IL1RAPL1: variants seen among roughly 807,000 people sequenced by gnomAD.
The protein encoded by IL1RAPL1 is interleukin 1 receptor accessory protein like 1.
IL1RAPL1 carries 3 observed loss-of-function variants against 48.4 expected under a neutral mutation model. The observed-to-expected ratio is 0.06, with a 90% confidence interval of 0.03 to 0.16. The LOEUF is 0.16. Among genes scored for constraint, IL1RAPL1 ranks in the 10% least tolerant of loss-of-function variants. The pLI is 1.00. For synonymous variants in IL1RAPL1, 185 were observed against 187.7 expected (o/e 0.99, Z 0.12); for missense variants, 349 against 530.6 (o/e 0.66, Z 3.36).
intron 2 of IL1RAPL1, among the ~76,000 whole-genome samples, chrX:28,806,991 T>G (rs965886933): frequency 7.2e-5 from 8 of 111,146 alleles, no homozygotes; most frequent in African/African-American, 2.6e-4. Flanking sequence ...GCTCTAATTG[T>G]CTGAGATGAG....
chrX:29,162,257 T>C (rs1929700734), intron 2 of IL1RAPL1, among the ~76,000 whole-genome samples: 1 of 111,065 alleles, frequency 9.0e-6, no homozygotes, highest in Non-Finnish European at 1.9e-5. Flanking sequence ...AGCTAATGCA[T>C]GTGGGCTTAA....
chrX:29,504,601 T>A (rs1456240797), intron 5 of IL1RAPL1, among the ~76,000 whole-genome samples: 1 of 112,081 alleles, frequency 8.9e-6, no homozygotes, highest in Non-Finnish European at 1.9e-5. Flanking sequence ...TCTTAGTCTC[T>A]TTTTACAGTC....
intron 2 of IL1RAPL1, among the ~76,000 whole-genome samples, chrX:28,891,564 T>A (rs1164186972): frequency 8.9e-6 from 1 of 112,308 alleles, no homozygotes; most frequent in Non-Finnish European, 1.9e-5. Context: ...ATGTGGTATT[T>A]CATGACTGGC....
At chrX:29,574,838 A>G (rs1319615598) in intron 5 of IL1RAPL1, among the ~76,000 whole-genome samples, 1 of 111,556 alleles carries the variant, frequency 9.0e-6, no homozygotes, top group African/African-American at 3.3e-5. Context: ...CTTCCACCAG[A>G]TACTCTAAAT....
At chrX:29,852,835 A>C (rs1253436621) in intron 6 of IL1RAPL1, among the ~76,000 whole-genome samples, 2 of 112,080 alleles carry the variant, frequency 1.8e-5, no homozygotes, top group Non-Finnish European at 3.8e-5. Context: ...AAAAATGAGC[A>C]AGGCAATCCT....
At chrX:29,817,987 C>T (rs749715503) in intron 6 of IL1RAPL1, among the ~76,000 whole-genome samples, 25 of 111,734 alleles carry the variant, frequency 2.2e-4, no homozygotes, top group Non-Finnish European at 3.0e-4. Context: ...CTTCTTATTA[C>T]GCTTTATAGG....
At chrX:29,413,792 T>C in intron 5 of IL1RAPL1, among the ~76,000 whole-genome samples, 1 of 110,935 alleles carries the variant, frequency 9.0e-6, no homozygotes. Flanking sequence ...CAGAATATCT[T>C]ATTTGTGTGC....
At chrX:29,204,561 T>A (rs1930624787) in intron 2 of IL1RAPL1, among the ~76,000 whole-genome samples, 1 of 111,917 alleles carries the variant, frequency 8.9e-6, no homozygotes, top group Admixed American at 9.6e-5. Flanking sequence ...TTTTGCTTAT[T>A]TTTAATAGGA....
intron 1 of IL1RAPL1, among the ~76,000 whole-genome samples, chrX:28,603,848 A>T (rs772987855): frequency 8.9e-6 from 1 of 112,639 alleles, no homozygotes; most frequent in Non-Finnish European, 1.9e-5. Context: ...TTACTGGTAT[A>T]GTAAAGTTAG....
intron 6 of IL1RAPL1, among the ~76,000 whole-genome samples, chrX:29,694,636 C>A (rs1182011110): frequency 1.8e-5 from 2 of 111,432 alleles, no homozygotes; most frequent in East Asian, 5.6e-4. Context: ...AGCCTGCTTT[C>A]TGGCTCATAA....
At chrX:28,732,066 G>T (rs1179073924) in intron 1 of IL1RAPL1, among the ~76,000 whole-genome samples, 3 of 111,617 alleles carry the variant, frequency 2.7e-5, no homozygotes, top group Non-Finnish European at 3.8e-5. Flanking sequence ...GTTTAAGGCA[G>T]AGGATGACCT....
rs182500210 is a variant in IL1RAPL1, at chrX:29,029,973, A to G, written c.82+240548A>G. The stretch of plus-strand genomic sequence containing the variant: ...TTTTTTTTTGGCTTGTGGATGTCCA[A>G]TTGTTCCAACACCATTGGTTGAAAA... On this transcript the variant is annotated intron_variant, in intron 2 of 10. Coordinates refer to ENST00000378993, the MANE Select transcript of IL1RAPL1 (RefSeq NM_014271.4). 6.1e-3 allele frequency among the ~76,000 whole-genome samples: 653 copies of G among 107,441 alleles called. 10 individuals are homozygous for G. Among genetic ancestry groups the G allele is most frequent in the African/African-American group, 0.021 (623 of 29,346 alleles). The allele number at this position is 107,441 out of a possible 115,157, so 93.3% of individuals were successfully genotyped here.
chrX:29,189,891 C>A (rs182680204), intron 2 of IL1RAPL1, among the ~76,000 whole-genome samples: 94 of 111,556 alleles, frequency 8.4e-4, no homozygotes, highest in African/African-American at 2.9e-3. Flanking sequence ...CAGTTATGGG[C>A]CACACATTGT....
chrX:29,537,206 G>A (rs1313627991), intron 5 of IL1RAPL1, among the ~76,000 whole-genome samples: 2 of 110,838 alleles, frequency 1.8e-5, no homozygotes, highest in South Asian at 3.8e-4. Context: ...AGACATATTT[G>A]GATATGCAGA....
chrX:29,192,502 T>C lies in IL1RAPL1; in HGVS notation c.83-90436T>C, dbSNP rs888748106. ...ACCAACTAGTTTATTTCTTTTACATTGTAATGCACTAAAAGTAACTATAAA... is the reference window on the plus strand; with the variant it reads ...ACCAACTAGTTTATTTCTTTTACATCGTAATGCACTAAAAGTAACTATAAA... On this transcript the variant is annotated intron_variant, in intron 2 of 10. Coordinates refer to ENST00000378993, the MANE Select transcript of IL1RAPL1 (RefSeq NM_014271.4). 1.6e-4 allele frequency among the ~76,000 whole-genome samples: 18 copies of C among 111,839 alleles called. No homozygotes were observed. In the East Asian group the frequency reaches 5.0e-3, roughly 31 times the overall value.
rs192877527 is a variant in IL1RAPL1, at chrX:29,523,506, G to A, written c.703+124198G>A. On this transcript the variant is annotated intron_variant, in intron 5 of 10. Coordinates refer to ENST00000378993, the MANE Select transcript of IL1RAPL1 (RefSeq NM_014271.4). Reference sequence around the variant, plus strand: ...TAAAATTAATTTCCAAATAGTAAAAGGATAAATGAAACTAAATACTGTTAC... The same window carrying A: ...TAAAATTAATTTCCAAATAGTAAAAAGATAAATGAAACTAAATACTGTTAC... Among the ~76,000 whole-genome samples the A allele has an allele frequency of 3.8e-3, 419 of 111,476 alleles. 1 individual carries two copies. The highest frequency in any genetic ancestry group is 0.013 in the African/African-American group (396 of 30,758).
chrX:29,479,163 A>G (rs867824128), intron 5 of IL1RAPL1, among the ~76,000 whole-genome samples: 17 of 109,577 alleles, frequency 1.6e-4, no homozygotes, highest in Non-Finnish European at 2.3e-4. Context: ...TAATCCCAGC[A>G]CTTGGAGAGG....
chrX:29,743,143 A>T (rs182801209), intron 6 of IL1RAPL1, among the ~76,000 whole-genome samples: 1 of 108,506 alleles, frequency 9.2e-6, no homozygotes, highest in Admixed American at 1.0e-4. Flanking sequence ...TACTATTTAC[A>T]AATTATATAT....
intron 5 of IL1RAPL1, among the ~76,000 whole-genome samples, chrX:29,425,713 G>A (rs1750492356): frequency 9.0e-6 from 1 of 110,842 alleles, no homozygotes; most frequent in East Asian, 2.8e-4. Flanking sequence ...CCAAGTAGCT[G>A]GGACTACAGT....
Sources: allele counts gnomAD v4.1 joint callset (sites outside exome capture counted in the v4.1 genomes callset), GRCh38; gene constraint gnomAD v4.1.1; transcripts MANE v1.5; gene names NCBI Gene and HGNC (gene_info 2026-07-23, HGNC 2026-07-21).